Variants in CDC42BPA observed in about 807,000 individuals in gnomAD.
CDC42BPA encodes the protein serine/threonine-protein kinase MRCK alpha.
A neutral mutation model predicts 223.5 loss-of-function variants in CDC42BPA; 80 were observed. The ratio of observed to expected loss-of-function variants is 0.36; its 90% confidence interval spans 0.30 to 0.43. The LOEUF is 0.43. CDC42BPA is among the 20% of genes least tolerant of loss of function. The pLI is 1.00. For missense variants in CDC42BPA, 1,743 were observed against 2,099.9 expected, an observed-to-expected ratio of 0.83 and a Z score of 3.32; for synonymous variants, 694 against 718.6, an observed-to-expected ratio of 0.97 and a Z score of 0.55.
At chr1:227,190,458 T>C (rs543953121) in intron 5 of CDC42BPA, among the ~76,000 whole-genome samples, 37 of 152,232 alleles carry the variant, frequency 2.4e-4, no homozygotes, top group Non-Finnish European at 4.9e-4. Context: ...TCATTAGAAA[T>C]AAACTTATTA....
chr1:227,218,402 T>C (rs1675254783), intron 2 of CDC42BPA, among the ~76,000 whole-genome samples: 1 of 152,186 alleles, frequency 6.6e-6, no homozygotes, highest in Non-Finnish European at 1.5e-5. Flanking sequence ...TTATGATTAA[T>C]AATAATAACA....
intron 31 of CDC42BPA, 37 bp from the exon 32 acceptor site, chr1:227,023,384 C>T: frequency 8.9e-7 from 1 of 1,121,330 alleles, no homozygotes; most frequent in South Asian, 1.4e-5. Context: ...TCAACAAAAC[C>T]TTTAAAAATT....
chr1:227,196,702 C>T (rs1315235454), intron 4 of CDC42BPA, among the ~76,000 whole-genome samples: 3 of 152,130 alleles, frequency 2.0e-5, no homozygotes, highest in African/African-American at 7.2e-5. Context: ...AAATTGGATT[C>T]CTATAAAGAA....
chr1:227,258,775 CAA>C (rs926754268), intron 1 of CDC42BPA, among the ~76,000 whole-genome samples: 4 of 150,974 alleles, frequency 2.6e-5, no homozygotes, highest in South Asian at 2.1e-4. Flanking sequence ...TGCTTTTATA[CAA>C]AGATATGTTC....
intron 15 of CDC42BPA, among the ~76,000 whole-genome samples, chr1:227,099,623 G>A (rs1279041850): frequency 2.0e-5 from 3 of 151,872 alleles, no homozygotes; most frequent in Non-Finnish European, 4.4e-5. Context: ...CTCCTCTCTC[G>A]TCTCTACTAT....
At chr1:227,041,202 G>A (rs769131391) in intron 23 of CDC42BPA, among the ~76,000 whole-genome samples, 1 of 152,098 alleles carries the variant, frequency 6.6e-6, no homozygotes, top group Non-Finnish European at 1.5e-5. Flanking sequence ...TTTGTTACCT[G>A]AGTATATTAT....
chr1:227,264,044 T>G (rs1485502871), intron 1 of CDC42BPA, among the ~76,000 whole-genome samples: 4 of 152,192 alleles, frequency 2.6e-5, no homozygotes, highest in South Asian at 2.1e-4. Context: ...AGAATATAAT[T>G]TATACTTCCT....
At chr1:227,129,891 G>A (rs926178221) in intron 10 of CDC42BPA, among the ~76,000 whole-genome samples, 26 of 152,036 alleles carry the variant, frequency 1.7e-4, no homozygotes, top group African/African-American at 6.0e-4. Context: ...TACAAATGGA[G>A]AGTTAGGCAT....
chr1:227,083,279 A>T (rs1260404846), intron 16 of CDC42BPA, among the ~76,000 whole-genome samples: 7 of 151,960 alleles, frequency 4.6e-5, no homozygotes, highest in African/African-American at 9.7e-5. Flanking sequence ...TTAGTCTAAA[A>T]AATTTTTTTT....
At chr1:227,073,396 A>G (rs1423240411) in intron 19 of CDC42BPA, among the ~76,000 whole-genome samples, 1 of 152,160 alleles carries the variant, frequency 6.6e-6, no homozygotes, top group Non-Finnish European at 1.5e-5. Flanking sequence ...AGAAACATGA[A>G]AAACAATAAT....
At chr1:226,995,030 C>T in intron 35 of CDC42BPA, 50 bp from the exon 36 acceptor site, 1 of 1,534,958 alleles carries the variant, frequency 6.5e-7, no homozygotes, top group Non-Finnish European at 8.9e-7. Flanking sequence ...GGGGACAATA[C>T]TCTAGAAAGC....
At chr1:227,237,629 T>C (rs190601906) in intron 2 of CDC42BPA, among the ~76,000 whole-genome samples, 1 of 152,352 alleles carries the variant, frequency 6.6e-6, no homozygotes, top group Non-Finnish European at 1.5e-5. Flanking sequence ...GTTTCTCTTA[T>C]TTTTTACACT....
At chr1:227,058,985 A>T (rs1399431241) in intron 21 of CDC42BPA, among the ~76,000 whole-genome samples, 1 of 146,808 alleles carries the variant, frequency 6.8e-6, no homozygotes, top group Non-Finnish European at 1.5e-5. Context: ...TGAATGATCA[A>T]GTTTTCTTTC....
At chr1:227,155,422 C>T (rs1390397539) in intron 6 of CDC42BPA, among the ~76,000 whole-genome samples, 1 of 152,144 alleles carries the variant, frequency 6.6e-6, no homozygotes, top group Non-Finnish European at 1.5e-5. Flanking sequence ...TGGAACCTTC[C>T]TCAGGCAGCT....
chr1:227,239,061 A>G (rs969214487), intron 2 of CDC42BPA, among the ~76,000 whole-genome samples: 1 of 152,228 alleles, frequency 6.6e-6, no homozygotes, highest in Non-Finnish European at 1.5e-5. Context: ...CAATGCACAC[A>G]GTGTATCTAG....
chr1:227,101,038 C>G lies in CDC42BPA; in HGVS notation c.2203G>C (p.Glu735Gln), dbSNP rs752310381. 24 of 1,550,876 alleles carry G rather than the reference C, an allele frequency of 1.5e-5. No homozygotes were observed. In the East Asian group the frequency reaches 4.9e-4, roughly 32 times the overall value. ...SEGQQLALNK[E>Q]IMILKDKLEK... ...AATTTGTCTTTTAAAATCATAATTTCTTTGTTGAGAGCAAGTTGCTGACCT... is the reference window on the plus strand; with the variant it reads ...AATTTGTCTTTTAAAATCATAATTTGTTTGTTGAGAGCAAGTTGCTGACCT... Residue 735 changes from glutamate to glutamine, a missense_variant, in exon 15 of 37, where the codon GAA (glutamate) becomes CAA (glutamine). Glu to Gln is a conservative substitution (Grantham distance 29). Transcript: ENST00000366766.
At chr1:227,190,995 A>G (rs1669611042) in intron 5 of CDC42BPA, among the ~76,000 whole-genome samples, 2 of 152,314 alleles carry the variant, frequency 1.3e-5, no homozygotes, top group South Asian at 4.1e-4. Flanking sequence ...TAACTAGAAG[A>G]GAAATAAATT....
intron 21 of CDC42BPA, among the ~76,000 whole-genome samples, chr1:227,061,150 A>G (rs1572557959): frequency 6.6e-6 from 1 of 152,180 alleles, no homozygotes; most frequent in Admixed American, 6.5e-5. Flanking sequence ...TATGGAGGCT[A>G]AAGTCTCAGG....
At chr1:227,240,407 T>G (rs925674118) in intron 2 of CDC42BPA, among the ~76,000 whole-genome samples, 3 of 152,014 alleles carry the variant, frequency 2.0e-5, no homozygotes, top group Non-Finnish European at 2.9e-5. Context: ...TTTATAAAAA[T>G]TGATATATTG....
Sources: gnomAD v4.1 joint callset for allele counts (sites outside exome capture counted in the v4.1 genomes callset) on GRCh38, gnomAD v4.1.1 for gene constraint, MANE v1.5 for transcripts, NCBI Gene and HGNC (gene_info 2026-07-23, HGNC 2026-07-21) for gene names.